IGSF11: variants seen among roughly 807,000 people sequenced by gnomAD.
The protein encoded by IGSF11 is immunoglobulin superfamily member 11, also known as CXADR like 1.
In IGSF11, 22 loss-of-function variants were observed where a neutral mutation model predicts 41.0. That is an observed-to-expected ratio of 0.54 (90% CI 0.38 to 0.77). The LOEUF (loss-of-function observed/expected upper bound fraction) is 0.77. IGSF11 is among the 30% of genes least tolerant of loss of function. The pLI, the probability that IGSF11 is intolerant of heterozygous loss-of-function variation, is 0.00. For missense variants in IGSF11, 444 were observed against 530.8 expected, an observed-to-expected ratio of 0.84 and a Z score of 1.61; for synonymous variants, 219 against 201.3, an observed-to-expected ratio of 1.09 and a Z score of -0.74.
At position 119,065,730 on chromosome 3, in the gene IGSF11, T is replaced by C. The variant is rs139236779; in HGVS notation, c.49+39414A>G. Reference sequence around the variant, plus strand: ...ATTGCTTGAATCCGGGAGGTGGATGTTGCAGTGAGCCAACATCGCACCACT... The same window carrying C: ...ATTGCTTGAATCCGGGAGGTGGATGCTGCAGTGAGCCAACATCGCACCACT... On this transcript the variant is annotated intron_variant, in intron 1 of 6. Transcript: ENST00000354673. Among the ~76,000 whole-genome samples, 1,118 of 147,966 alleles carry C rather than the reference T, an allele frequency of 7.6e-3. 8 individuals are homozygous for C. The highest frequency in any genetic ancestry group is 0.012 in the South Asian group (56 of 4,634).
intron 1 of IGSF11, among the ~76,000 whole-genome samples, chr3:119,092,412 T>C (rs2076778707): frequency 6.6e-6 from 1 of 152,136 alleles, no homozygotes; most frequent in African/African-American, 2.4e-5. Context: ...TTTGGCTCAC[T>C]GCAACCTCAG....
At chr3:119,083,823 T>A (rs1306173375) in intron 1 of IGSF11, among the ~76,000 whole-genome samples, 2 of 152,242 alleles carry the variant, frequency 1.3e-5, no homozygotes, top group African/African-American at 4.8e-5. Context: ...TTTATCATAC[T>A]ATGTTTTTGA....
chr3:119,097,957 A>ATTTT (rs377746200), intron 1 of IGSF11, among the ~76,000 whole-genome samples: 1,221 of 58,326 alleles, frequency 0.021, 168 homozygotes, highest in African/African-American at 0.047. Flanking sequence ...CATTCAGCTA[A>ATTTT]TTTTTTTTTT....
At chr3:119,054,230 C>T (rs1941733054) in intron 1 of IGSF11, among the ~76,000 whole-genome samples, 1 of 152,118 alleles carries the variant, frequency 6.6e-6, no homozygotes, top group South Asian at 2.1e-4. Flanking sequence ...AAACAGGCAA[C>T]CCACAGAGGG....
chr3:119,087,286 T>C (rs1056130754), intron 1 of IGSF11, among the ~76,000 whole-genome samples: 1 of 151,798 alleles, frequency 6.6e-6, no homozygotes, highest in African/African-American at 2.4e-5. Context: ...ACATGCACGT[T>C]TACAGCAGCA....
intron 1 of IGSF11, among the ~76,000 whole-genome samples, chr3:119,024,136 G>C (rs918911264): frequency 2.0e-5 from 3 of 152,158 alleles, no homozygotes; most frequent in Non-Finnish European, 4.4e-5. Context: ...GGGAGGATAA[G>C]AGCACAATTA....
chr3:119,028,982 ACT>A (rs1312351145), intron 1 of IGSF11, among the ~76,000 whole-genome samples: 6 of 151,912 alleles, frequency 3.9e-5, no homozygotes, highest in Non-Finnish European at 7.4e-5. Flanking sequence ...GCATGGGACC[ACT>A]CTGTACATTT....
At chr3:119,076,641 G>C (rs1436999994) in intron 1 of IGSF11, among the ~76,000 whole-genome samples, 1 of 152,124 alleles carries the variant, frequency 6.6e-6, no homozygotes, top group Non-Finnish European at 1.5e-5. Flanking sequence ...CATTTATGCA[G>C]CCAACAGACA....
intron 1 of IGSF11, among the ~76,000 whole-genome samples, chr3:119,005,675 T>G (rs1937425383): frequency 8.8e-6 from 1 of 114,154 alleles, no homozygotes. Flanking sequence ...ACAAAATCTC[T>G]CAGCATTTGC....
intron 1 of IGSF11, among the ~76,000 whole-genome samples, chr3:119,006,218 C>A (rs1937484449): frequency 7.8e-6 from 1 of 128,746 alleles, no homozygotes; most frequent in Admixed American, 7.7e-5. Context: ...TTCATTTCAT[C>A]TTCCATCGCT....
At chr3:118,984,263 G>C (rs964002235) in intron 1 of IGSF11, among the ~76,000 whole-genome samples, 4 of 151,862 alleles carry the variant, frequency 2.6e-5, no homozygotes, top group African/African-American at 9.7e-5. Context: ...AAAGCCGTCA[G>C]AAGGTTGCAG....
At chr3:118,905,756 G>C in intron 4 of IGSF11, 38 bp from the exon 5 acceptor site, 1 of 1,609,972 alleles carries the variant, frequency 6.2e-7, no homozygotes, top group South Asian at 1.1e-5. Flanking sequence ...GATTTGGCGG[G>C]ACTAATAGCA....
chr3:119,010,593 C>G (rs1938003135), intron 1 of IGSF11, among the ~76,000 whole-genome samples: 1 of 152,130 alleles, frequency 6.6e-6, no homozygotes, highest in African/African-American at 2.4e-5. Flanking sequence ...TGGGACTTCC[C>G]TCTTTCTTGC....
At chr3:119,004,828 T>C (rs1014873177) in intron 1 of IGSF11, among the ~76,000 whole-genome samples, 2 of 152,060 alleles carry the variant, frequency 1.3e-5, no homozygotes, top group Admixed American at 6.5e-5. Flanking sequence ...GTCTGAGAGA[T>C]AGTTTGTTAT....
chr3:119,130,808 G>A (rs1559883885), intron 1 of IGSF11, among the ~76,000 whole-genome samples: 1 of 152,172 alleles, frequency 6.6e-6, no homozygotes, highest in Non-Finnish European at 1.5e-5. Flanking sequence ...ATACAGGCAG[G>A]TGCCCCTCTG....
chr3:119,091,537 AAAT>A (rs1362965574), intron 1 of IGSF11, among the ~76,000 whole-genome samples: 2 of 152,286 alleles, frequency 1.3e-5, no homozygotes, highest in East Asian at 3.9e-4. Context: ...AAAAAGAATG[AAAT>A]AATATCCTTT....
intron 1 of IGSF11, among the ~76,000 whole-genome samples, chr3:119,131,887 G>A (rs1239819898): frequency 6.6e-6 from 1 of 152,194 alleles, no homozygotes; most frequent in South Asian, 2.1e-4. Context: ...AGAGAGTGAG[G>A]GCCAATATTC....
upstream of IGSF11, chr3:119,105,319 G>A (rs941141676): frequency 3.3e-6 from 2 of 606,232 alleles, no homozygotes; most frequent in Non-Finnish European, 5.8e-6. Context: ...TTGGGTACAG[G>A]ATTTGGAGCC....
intron 1 of IGSF11, among the ~76,000 whole-genome samples, chr3:119,125,288 A>G (rs910450232): frequency 5.3e-5 from 8 of 152,208 alleles, no homozygotes; most frequent in African/African-American, 1.9e-4. Context: ...GCGCGTTCGT[A>G]TAAGAGACGA....
Sources: gnomAD v4.1 joint callset for allele counts (sites outside exome capture counted in the v4.1 genomes callset) on GRCh38, gnomAD v4.1.1 for gene constraint, MANE v1.5 for transcripts, NCBI Gene and HGNC (gene_info 2026-07-23, HGNC 2026-07-21) for gene names.